PRMT3: variants seen among roughly 807,000 people sequenced by gnomAD.
PRMT3 encodes protein arginine N-methyltransferase 3.
In PRMT3, 62 loss-of-function variants were observed where a neutral mutation model predicts 71.9. The observed-to-expected ratio is 0.86, with a 90% CI of 0.70 to 1.07. The LOEUF (loss-of-function observed/expected upper bound fraction) is 1.07. Among genes scored for constraint, PRMT3 ranks in the 50% least tolerant of loss-of-function variants. The pLI is 0.00. For missense variants in PRMT3, 663 were observed against 643.0 expected (o/e 1.03, Z -0.34); for synonymous variants, 213 against 220.4 (o/e 0.97, Z 0.30).
intron 9 of PRMT3, among the ~76,000 whole-genome samples, chr11:20,415,864 T>C (rs529793866): frequency 6.6e-6 from 1 of 152,302 alleles, no homozygotes; most frequent in Non-Finnish European, 1.5e-5. Flanking sequence ...TAGAGTTTGA[T>C]CAAGAATCAT....
At position 20,494,242 on chromosome 11, in the gene PRMT3, T is replaced by C. The variant is rs759796017; in HGVS notation, c.1474T>C (p.Ser492Pro). 1 of 1,595,472 alleles carries C rather than the reference T, an allele frequency of 6.3e-7. No homozygotes were observed. The highest frequency in any genetic ancestry group is 8.6e-7 in the Non-Finnish European group (1 of 1,163,320). The change falls in exon 15 of 16, where the codon TCA becomes CCA. Residue 492 changes from serine (S) to proline (P), a missense_variant. Physicochemically the swap from Ser to Pro is moderately conservative, Grantham distance 74 (BLOSUM62 -1). Transcript: ENST00000331079. Reference sequence around the variant, plus strand: ...AGTATTTCTACTGGAAAAACCATTTTCAGTTAAAGCAGGTGAGAAAGAATA... The same window carrying C: ...AGTATTTCTACTGGAAAAACCATTTCCAGTTAAAGCAGGTGAGAAAGAATA... Reference protein sequence around the residue: ...QTVFLLEKPFSVKAGEALKGK... With the variant: ...QTVFLLEKPFPVKAGEALKGK...
At chr11:20,418,251 G>A (rs1849352039) in intron 9 of PRMT3, among the ~76,000 whole-genome samples, 1 of 152,100 alleles carries the variant, frequency 6.6e-6, no homozygotes, top group Admixed American at 6.6e-5. Flanking sequence ...TGTTTCCAAA[G>A]ATAAAGATTC....
At chr11:20,423,923 G>T (rs913239598) in intron 9 of PRMT3, among the ~76,000 whole-genome samples, 2 of 137,110 alleles carry the variant, frequency 1.5e-5, no homozygotes, top group South Asian at 5.0e-4. Context: ...GGTGGCTGAC[G>T]CCTGTAAACC....
At chr11:20,497,682 A>T (rs1007442536) in intron 15 of PRMT3, among the ~76,000 whole-genome samples, 2 of 152,226 alleles carry the variant, frequency 1.3e-5, no homozygotes, top group African/African-American at 4.8e-5. Flanking sequence ...GCAAGTAATA[A>T]GATGTGTATA....
intron 9 of PRMT3, among the ~76,000 whole-genome samples, chr11:20,415,948 G>A (rs539147540): frequency 1.3e-5 from 2 of 152,200 alleles, no homozygotes; most frequent in East Asian, 3.9e-4. Flanking sequence ...CATTTCTTCC[G>A]AGTTGTAAAC....
intron 11 of PRMT3, 106 bp downstream of exon 11, chr11:20,452,314 G>T: frequency 1.2e-6 from 1 of 828,214 alleles, no homozygotes. Flanking sequence ...TTCCCGATAG[G>T]GTTGAAAGAT....
At chr11:20,502,215 G>A (rs957754145) in intron 15 of PRMT3, among the ~76,000 whole-genome samples, 1 of 152,128 alleles carries the variant, frequency 6.6e-6, no homozygotes. Context: ...AACAACATCA[G>A]TCATTTTATA....
At chr11:20,499,671 C>CACAA (rs1478422876) in intron 15 of PRMT3, among the ~76,000 whole-genome samples, 1 of 151,954 alleles carries the variant, frequency 6.6e-6, no homozygotes, top group African/African-American at 2.4e-5. Flanking sequence ...GGGAAAAGGA[C>CACAA]ACAAACAGGT....
chr11:20,466,844 T>G (rs1850525182), intron 13 of PRMT3, among the ~76,000 whole-genome samples: 1 of 152,236 alleles, frequency 6.6e-6, no homozygotes, highest in Admixed American at 6.5e-5. Context: ...TTGAAGAATC[T>G]AAGTATCAAA....
chr11:20,509,305 A>G lies in PRMT3; in HGVS notation c.*892A>G, dbSNP rs1052367140. 1 of 152,176 alleles carries G rather than the reference A, an allele frequency of 6.6e-6. No homozygotes were observed. The highest frequency in any genetic ancestry group is 2.4e-5 in the African/African-American group (1 of 41,456). 9.4% of individuals were successfully genotyped at this position (152,176 alleles called of 1,614,324 possible). Reference sequence around the variant, plus strand: ...AATATTTTAAAAATATTGATATTATAAAAGTTTTCAATAAAATATATCAAA... The same window carrying G: ...AATATTTTAAAAATATTGATATTATGAAAGTTTTCAATAAAATATATCAAA... On this transcript the variant is annotated 3_prime_UTR_variant, in exon 16 of 16. Transcript: ENST00000331079.
chr11:20,457,312 T>G (rs1159715131), intron 11 of PRMT3, among the ~76,000 whole-genome samples: 1 of 152,206 alleles, frequency 6.6e-6, no homozygotes, highest in Non-Finnish European at 1.5e-5. Flanking sequence ...GGGTTCCTCT[T>G]TCCGTTTCTT....
intron 10 of PRMT3, among the ~76,000 whole-genome samples, chr11:20,430,407 T>C (rs530109789): frequency 6.6e-6 from 1 of 152,310 alleles, no homozygotes. Context: ...ATGTTTCTAG[T>C]CTGCACCTGT....
At chr11:20,432,204 C>T (rs72934243) in intron 10 of PRMT3, among the ~76,000 whole-genome samples, 3,182 of 152,022 alleles carry the variant, frequency 0.021, 60 homozygotes, top group Non-Finnish European at 0.03. Context: ...AATCAACTGC[C>T]CTTACAAACA....
At chr11:20,463,105 C>A (rs1477445999) in intron 12 of PRMT3, among the ~76,000 whole-genome samples, 1 of 152,196 alleles carries the variant, frequency 6.6e-6, no homozygotes, top group African/African-American at 2.4e-5. Flanking sequence ...ACCTCATGAT[C>A]CGCCTGCCTC....
chr11:20,499,211 G>A (rs1006849134), intron 15 of PRMT3, among the ~76,000 whole-genome samples: 10 of 152,184 alleles, frequency 6.6e-5, no homozygotes, highest in Admixed American at 5.2e-4. Flanking sequence ...AAGCAGTTAA[G>A]TATGTACATT....
At chr11:20,460,178 G>T (rs1441439309) in intron 11 of PRMT3, among the ~76,000 whole-genome samples, 2 of 152,166 alleles carry the variant, frequency 1.3e-5, no homozygotes, top group African/African-American at 4.8e-5. Context: ...GGAAATAAAC[G>T]TTAGGAGGAA....
chr11:20,419,444 C>T (rs549436522), intron 9 of PRMT3, among the ~76,000 whole-genome samples: 30 of 152,290 alleles, frequency 2.0e-4, no homozygotes, highest in African/African-American at 7.0e-4. Flanking sequence ...TTCTCTCATT[C>T]GTGTTTGCCT....
intron 15 of PRMT3, among the ~76,000 whole-genome samples, chr11:20,500,187 G>T (rs1016705747): frequency 3.3e-5 from 5 of 151,948 alleles, no homozygotes; most frequent in African/African-American, 4.8e-5. Flanking sequence ...AAAACCTTAG[G>T]AATAAATTTA....
chr11:20,415,418 A>G (rs967458303), intron 9 of PRMT3, among the ~76,000 whole-genome samples: 4 of 152,284 alleles, frequency 2.6e-5, no homozygotes, highest in Non-Finnish European at 4.4e-5. Flanking sequence ...CACACAATTC[A>G]GTATAAAGCT....
Sources: gnomAD v4.1 joint callset for allele counts (sites outside exome capture counted in the v4.1 genomes callset) on GRCh38, gnomAD v4.1.1 for gene constraint, MANE v1.5 for transcripts, NCBI Gene and HGNC (gene_info 2026-07-23, HGNC 2026-07-21) for gene names.